Variants in DLG2 observed in about 807,000 individuals in gnomAD.
DLG2 encodes disks large homolog 2.
DLG2 carries 45 observed loss-of-function variants against 132.5 expected under a neutral mutation model. The observed-to-expected ratio is 0.34, with a 90% CI of 0.27 to 0.44. DLG2 has a LOEUF of 0.44. Ranked by LOEUF, DLG2 falls within the 20% of genes least tolerant of loss-of-function variation. DLG2 has a pLI of 1.00. For synonymous variants in DLG2, 424 were observed against 419.6 expected (o/e 1.01, Z -0.13); for missense variants, 1,045 against 1,196.9 (o/e 0.87, Z 1.87).
At chr11:85,115,140 T>C (rs1292785305) in intron 5 of DLG2, among the ~76,000 whole-genome samples, 1 of 151,794 alleles carries the variant, frequency 6.6e-6, no homozygotes, top group Admixed American at 6.6e-5. Context: ...ACTGTACACA[T>C]ATTTGCTCAT....
chr11:84,162,595 C>T (rs374470734), intron 9 of DLG2, among the ~76,000 whole-genome samples: 12 of 152,044 alleles, frequency 7.9e-5, no homozygotes, highest in East Asian at 3.9e-4. Context: ...TGTATTTGTC[C>T]GCTACTGTAA....
At chr11:85,311,657 T>C (rs1036476688) in intron 3 of DLG2, among the ~76,000 whole-genome samples, 1 of 152,116 alleles carries the variant, frequency 6.6e-6, no homozygotes. Flanking sequence ...TGAAACCTTA[T>C]AGATAACTTT....
At chr11:84,834,949 G>C (rs2079540832) in intron 6 of DLG2, among the ~76,000 whole-genome samples, 1 of 151,476 alleles carries the variant, frequency 6.6e-6, no homozygotes, top group African/African-American at 2.4e-5. Context: ...ATTAAGTTTG[G>C]AAAATGCTAA....
intron 7 of DLG2, among the ~76,000 whole-genome samples, chr11:84,332,963 T>G (rs960355034): frequency 6.6e-6 from 1 of 152,198 alleles, no homozygotes; most frequent in South Asian, 2.1e-4. Context: ...TACAGACTCT[T>G]GTTGAGACCC....
At chr11:84,686,183 C>T (rs1181719133) in intron 6 of DLG2, among the ~76,000 whole-genome samples, 3 of 152,186 alleles carry the variant, frequency 2.0e-5, no homozygotes, top group Admixed American at 2.0e-4. Context: ...GACTGTAGCT[C>T]TGCCTGCTTG....
In DLG2 at chr11:85,607,100, T is replaced by G. The variant is rs576626298; in HGVS notation, c.-92-8312A>C. ...TTATCGCCTATCGCCAAGTGGTGAG[T>G]ACCATTGGACCACTTTCACTTGCTA... is the stretch of plus-strand genomic sequence containing the variant. On this transcript the variant is annotated intron_variant, in intron 2 of 27. Coordinates refer to ENST00000376104, the MANE Select transcript of DLG2 (RefSeq NM_001142699.3). 6.6e-5 allele frequency among the ~76,000 whole-genome samples: 10 copies of G among 152,230 alleles called. No homozygotes were observed. In the South Asian group the frequency reaches 2.1e-3, roughly 32 times the overall value.
At chr11:84,517,375 G>C (rs750943877) in intron 7 of DLG2, among the ~76,000 whole-genome samples, 2 of 151,712 alleles carry the variant, frequency 1.3e-5, no homozygotes, top group Non-Finnish European at 2.9e-5. Flanking sequence ...CATACAAATG[G>C]CCAAGAAGAA....
chr11:84,743,393 T>C (rs2064945544), intron 6 of DLG2, among the ~76,000 whole-genome samples: 1 of 152,230 alleles, frequency 6.6e-6, no homozygotes, highest in African/African-American at 2.4e-5. Flanking sequence ...GTAAGAATTT[T>C]TTTTTGCAAT....
intron 11 of DLG2, among the ~76,000 whole-genome samples, chr11:84,030,990 A>T (rs2095673748): frequency 6.6e-6 from 1 of 152,158 alleles, no homozygotes; most frequent in Non-Finnish European, 1.5e-5. Flanking sequence ...CCTTGCTTCC[A>T]TCCAGAAAAC....
intron 8 of DLG2, among the ~76,000 whole-genome samples, chr11:84,192,355 T>TG (rs2096428047): frequency 6.6e-6 from 1 of 152,236 alleles, no homozygotes; most frequent in South Asian, 2.1e-4. Context: ...ATCTAATATC[T>TG]GTTCTTTTAG....
At chr11:83,686,897 A>T (rs1356844157) in intron 18 of DLG2, among the ~76,000 whole-genome samples, 1 of 152,174 alleles carries the variant, frequency 6.6e-6, no homozygotes, top group African/African-American at 2.4e-5. Context: ...ATGTGACCTT[A>T]TTGGGAAATA....
chr11:84,433,965 A>C (rs2098992750), intron 7 of DLG2, among the ~76,000 whole-genome samples: 1 of 151,970 alleles, frequency 6.6e-6, no homozygotes, highest in Non-Finnish European at 1.5e-5. Flanking sequence ...AAAAAATACA[A>C]AAATTAGCCG....
chr11:83,866,998 G>A (rs191242753), intron 16 of DLG2, among the ~76,000 whole-genome samples: 11 of 152,256 alleles, frequency 7.2e-5, no homozygotes, highest in Middle Eastern at 3.4e-3. Context: ...ATTTCAAGGT[G>A]AGTGGAATCA....
rs565149268 is a variant in DLG2 at position 85,538,807 on chromosome 11, A to G, written c.40+59850T>C. On this transcript the variant is annotated intron_variant, in intron 3 of 27. Transcript: ENST00000376104. The stretch of plus-strand genomic sequence containing the variant: ...CTGAACAGTGAGAACACATGGACAC[A>G]GGGAGGGAAACAATGCACACTGGGG... Among the ~76,000 whole-genome samples the G allele has an allele frequency of 4.1e-3, 627 of 151,882 alleles. 2 individuals are homozygous for G. The highest frequency in any genetic ancestry group is 5.2e-3 in the Non-Finnish European group (356 of 68,008).
At chr11:85,540,831 G>C (rs1006981491) in intron 3 of DLG2, among the ~76,000 whole-genome samples, 1 of 152,350 alleles carries the variant, frequency 6.6e-6, no homozygotes, top group Non-Finnish European at 1.5e-5. Flanking sequence ...CTCCCCCTAG[G>C]GGTTTGAGCA....
intron 3 of DLG2, among the ~76,000 whole-genome samples, chr11:85,411,465 T>C (rs112544130): frequency 1.2e-3 from 180 of 151,980 alleles, no homozygotes; most frequent in Non-Finnish European, 1.9e-3. Context: ...TTTATCATGT[T>C]GAATTTGCAA....
intron 7 of DLG2, among the ~76,000 whole-genome samples, chr11:84,404,577 T>C (rs1020451583): frequency 2.6e-5 from 4 of 152,306 alleles, no homozygotes; most frequent in Non-Finnish European, 5.9e-5. Flanking sequence ...AATACGTGTC[T>C]AGTAATTTAA....
At chr11:84,730,344 G>T (rs1300416006) in intron 6 of DLG2, among the ~76,000 whole-genome samples, 1 of 151,980 alleles carries the variant, frequency 6.6e-6, no homozygotes, top group Non-Finnish European at 1.5e-5. Flanking sequence ...ACATGTAAAA[G>T]TACCTATCAA....
chr11:85,082,722 T>C (rs1237038729), intron 6 of DLG2, among the ~76,000 whole-genome samples: 4 of 149,104 alleles, frequency 2.7e-5, no homozygotes, highest in African/African-American at 9.7e-5. Context: ...GCACATGGTT[T>C]TTTCTTTTCT....
Sources: allele counts gnomAD v4.1 joint callset (sites outside exome capture counted in the v4.1 genomes callset), GRCh38; gene constraint gnomAD v4.1.1; transcripts MANE v1.5; gene names NCBI Gene and HGNC (gene_info 2026-07-23, HGNC 2026-07-21).